The following ASIC2 variants were observed in gnomAD, a reference collection of about 807,000 sequenced individuals.
The protein encoded by ASIC2 is acid-sensing ion channel 2.
A neutral mutation model predicts 57.3 loss-of-function variants in ASIC2; 25 were observed. The observed-to-expected ratio is 0.44, with a 90% CI of 0.32 to 0.61. ASIC2 has a LOEUF of 0.61. ASIC2 is among the 20% of genes least tolerant of loss of function. ASIC2 has a pLI of 0.06. For synonymous variants in ASIC2, 319 were observed against 307.5 expected, an observed-to-expected ratio of 1.04 and a Z score of -0.39; for missense variants, 641 against 738.1, an observed-to-expected ratio of 0.87 and a Z score of 1.52.
At chr17:33,469,875 A>G (rs1162088854) in intron 1 of ASIC2, among the ~76,000 whole-genome samples, 1 of 152,190 alleles carries the variant, frequency 6.6e-6, no homozygotes, top group Non-Finnish European at 1.5e-5. Flanking sequence ...TATAGCAGCT[A>G]AGGTATTGTG....
intron 1 of ASIC2, among the ~76,000 whole-genome samples, chr17:33,852,051 C>A (rs556688294): frequency 3.3e-5 from 5 of 152,344 alleles, no homozygotes; most frequent in Admixed American, 3.3e-4. Flanking sequence ...GCCTGCGCTG[C>A]TTCACTTGGA....
chr17:33,377,496 A>G (rs1401930310), intron 1 of ASIC2, among the ~76,000 whole-genome samples: 1 of 152,122 alleles, frequency 6.6e-6, no homozygotes. Flanking sequence ...TTTATGTCCA[A>G]TTTCACAATG....
At chr17:33,843,065 C>T (rs1048062014) in intron 1 of ASIC2, among the ~76,000 whole-genome samples, 2 of 152,196 alleles carry the variant, frequency 1.3e-5, no homozygotes, top group Non-Finnish European at 2.9e-5. Context: ...GTGTTATGCC[C>T]GTGCACATAC....
intron 1 of ASIC2, among the ~76,000 whole-genome samples, chr17:33,157,509 G>T (rs1905039959): frequency 6.6e-6 from 1 of 152,114 alleles, no homozygotes; most frequent in African/African-American, 2.4e-5. Context: ...TCAGTAAATA[G>T]CTTATTATAA....
intron 1 of ASIC2, among the ~76,000 whole-genome samples, chr17:34,017,681 C>G (rs1854103822): frequency 1.3e-5 from 2 of 152,172 alleles, no homozygotes; most frequent in Admixed American, 1.3e-4. Context: ...TGCTGATATT[C>G]AGAAAGTTTT....
intron 1 of ASIC2, among the ~76,000 whole-genome samples, chr17:33,260,402 G>T (rs1411215334): frequency 1.3e-5 from 2 of 152,214 alleles, no homozygotes; most frequent in African/African-American, 4.8e-5. Context: ...GCCAGTTGGA[G>T]CACTCAGCAG....
chr17:33,074,527 C>T lies in ASIC2; in HGVS notation c.987+14336G>A, dbSNP rs150859188. Among the ~76,000 whole-genome samples the T allele has an allele frequency of 7.1e-3, 1,076 of 152,208 alleles. 14 individuals are homozygous for T. Among genetic ancestry groups the T allele is most frequent in the African/African-American group, 0.024 (992 of 41,538 alleles). ...TCACGGCATCTGCCCAGGAGAAGGC[C>T]TTTGGGTTCCATGTCTAGGTTCCTC... is the stretch of plus-strand genomic sequence containing the variant. On this transcript the variant is annotated intron_variant, in intron 3 of 9. Coordinates refer to ENST00000225823, the MANE Select transcript of ASIC2 (RefSeq NM_183377.2).
At chr17:33,919,168 G>A (rs1915654391) in intron 1 of ASIC2, among the ~76,000 whole-genome samples, 2 of 152,120 alleles carry the variant, frequency 1.3e-5, no homozygotes, top group Admixed American at 6.5e-5. Flanking sequence ...AGGACCCTGG[G>A]TTCCTTCCAG....
intron 1 of ASIC2, among the ~76,000 whole-genome samples, chr17:33,175,666 C>T (rs1905723799): frequency 6.6e-6 from 1 of 152,076 alleles, no homozygotes; most frequent in Admixed American, 6.5e-5. Context: ...AAAGCTTTCT[C>T]ATTCATTCAT....
intron 1 of ASIC2, among the ~76,000 whole-genome samples, chr17:34,095,655 A>AT (rs2142092656): frequency 1.0e-5 from 1 of 95,532 alleles, no homozygotes; most frequent in South Asian, 2.8e-4. Flanking sequence ...ATATATATAT[A>AT]ATTTTATATA....
chr17:33,529,563 T>A (rs1041490535), intron 1 of ASIC2, among the ~76,000 whole-genome samples: 10 of 152,150 alleles, frequency 6.6e-5, no homozygotes, highest in Admixed American at 3.9e-4. Context: ...GACAACAGAT[T>A]GTTTGGGGTT....
Position 33,291,587 on chromosome 17 carries a change from C to A in ASIC2, c.529G>T (p.Gly177Cys). Reference sequence around the variant, plus strand: ...AACCACTGGCGGCGCGGCTCGTCGCCCCGCAGCAGCTCGCTGACAAGCGGG... The same window carrying A: ...AACCACTGGCGGCGCGGCTCGTCGCACCGCAGCAGCTCGCTGACAAGCGGG... ...ARPLVSELLR[G>C]DEPRRQWFRK... The change falls in exon 1 of 10, where the codon GGC becomes TGC. Residue 177 changes from glycine to cysteine, a missense_variant. Gly to Cys is a radical substitution (Grantham distance 159). This residue lies in a region of ASIC2 where 382 missense variants were observed against 398.0 expected (regional missense o/e 0.96). Coordinates refer to ENST00000225823, the MANE Select transcript of ASIC2 (RefSeq NM_183377.2). 6.2e-7 allele frequency: 1 copy of A among 1,608,606 alleles called. No homozygotes were observed. The highest frequency in any genetic ancestry group is 1.1e-5 in the South Asian group (1 of 90,930).
chr17:34,053,376 T>C (rs1908640593), intron 1 of ASIC2, among the ~76,000 whole-genome samples: 1 of 152,150 alleles, frequency 6.6e-6, no homozygotes, highest in Non-Finnish European at 1.5e-5. Context: ...CAAAGCTGGG[T>C]GGGTGGTGGC....
chr17:33,503,903 G>A (rs1200577323), intron 1 of ASIC2, among the ~76,000 whole-genome samples: 1 of 152,164 alleles, frequency 6.6e-6, no homozygotes, highest in Non-Finnish European at 1.5e-5. Flanking sequence ...CCATAATATT[G>A]ATCTGAGTTC....
At chr17:33,127,617 C>T (rs773161849) in intron 1 of ASIC2, among the ~76,000 whole-genome samples, 8 of 152,162 alleles carry the variant, frequency 5.3e-5, no homozygotes, top group Non-Finnish European at 1.0e-4. Flanking sequence ...AGGGAGACAG[C>T]GTTGTGGCTT....
chr17:34,038,761 T>C (rs1268024169), intron 1 of ASIC2: 2 of 1,611,302 alleles, frequency 1.2e-6, no homozygotes, highest in East Asian at 4.5e-5. Flanking sequence ...ACGTTTCATT[T>C]TCAGCTCCAT....
At chr17:33,866,162 AG>A (rs1389823911) in intron 1 of ASIC2, among the ~76,000 whole-genome samples, 2 of 152,278 alleles carry the variant, frequency 1.3e-5, no homozygotes, top group Admixed American at 1.3e-4. Context: ...ATGAACTTTT[AG>A]GTTGTCTACA....
At chr17:33,372,064 C>T (rs1440975085) in intron 1 of ASIC2, among the ~76,000 whole-genome samples, 2 of 152,048 alleles carry the variant, frequency 1.3e-5, no homozygotes, top group African/African-American at 4.8e-5. Flanking sequence ...TTAAGAAGAA[C>T]TCCCCCAGAC....
Position 34,063,398 on chromosome 17 carries a change from C to G in ASIC2, c.555+92580G>C, listed in dbSNP as rs549239584. Among the ~76,000 whole-genome samples the G allele has an allele frequency of 2.6e-5, 4 of 152,170 alleles. No homozygotes were observed. The South Asian group carries it at 8.3e-4, about 32-fold the overall frequency. ...ATAATAAAAGCCATCTATGACAAAC[C>G]CACAGTCAACATAATACTGAATGAG... On this transcript the variant is annotated intron_variant, in intron 1 of 9. Transcript: ENST00000359872.
Sources: gnomAD v4.1 joint callset for allele counts (sites outside exome capture counted in the v4.1 genomes callset) on GRCh38, gnomAD v4.1.1 for gene constraint, gnomAD v4.1.1 regional missense constraint, MANE v1.5 for transcripts, NCBI Gene and HGNC (gene_info 2026-07-23, HGNC 2026-07-21) for gene names.